MED12L: variants seen among roughly 807,000 people sequenced by gnomAD.
The protein encoded by MED12L is mediator complex subunit 12L, also known as mediator of RNA polymerase II transcription subunit 12-like protein.
A neutral mutation model predicts 281.3 loss-of-function variants in MED12L; 60 were observed. That is an observed-to-expected ratio of 0.21 (90% confidence interval 0.17 to 0.26). The LOEUF is 0.26. Among genes scored for constraint, MED12L ranks in the 10% least tolerant of loss-of-function variants. The probability of loss-of-function intolerance (pLI) is 1.00; values close to 1 mark genes in which losing one functional copy is unlikely to be tolerated. For synonymous variants in MED12L, 974 were observed against 987.2 expected (o/e 0.99, Z 0.25); for missense variants, 2,146 against 2,680.9 (o/e 0.80, Z 4.41).
At chr3:151,135,480 A>G (rs183931173) in intron 5 of MED12L, among the ~76,000 whole-genome samples, 1 of 152,334 alleles carries the variant, frequency 6.6e-6, no homozygotes, top group Admixed American at 6.5e-5. Flanking sequence ...TCCGTTGGGA[A>G]CTTTGCAGAC....
At chr3:151,210,630 G>A (rs745317922) in intron 16 of MED12L, among the ~76,000 whole-genome samples, 7 of 152,166 alleles carry the variant, frequency 4.6e-5, no homozygotes, top group East Asian at 1.9e-4. Context: ...GTTTTTAGTC[G>A]TCATGAGTGA....
chr3:151,315,183 A>C (rs548557777), intron 16 of MED12L, among the ~76,000 whole-genome samples: 1 of 152,266 alleles, frequency 6.6e-6, no homozygotes, highest in African/African-American at 2.4e-5. Flanking sequence ...CCTCTATCTT[A>C]ACTTTCCTTG....
At chr3:151,290,744 T>A (rs1429940541) in intron 16 of MED12L, among the ~76,000 whole-genome samples, 1 of 152,160 alleles carries the variant, frequency 6.6e-6, no homozygotes, top group Non-Finnish European at 1.5e-5. Context: ...CACATTTGTA[T>A]ACATTAGCAT....
intron 14 of MED12L, among the ~76,000 whole-genome samples, chr3:151,191,222 C>G (rs59669423): frequency 0.085 from 12,975 of 152,134 alleles, 1,270 homozygotes; most frequent in African/African-American, 0.23. Flanking sequence ...TGTTTCTAAT[C>G]TCTAGTTTTT....
chr3:151,087,693 G>A (rs779261276), intron 2 of MED12L, among the ~76,000 whole-genome samples: 1 of 152,128 alleles, frequency 6.6e-6, no homozygotes, highest in Non-Finnish European at 1.5e-5. Context: ...TCCCAGGATT[G>A]CTTATTTCTT....
chr3:151,411,220 A>G, intron 40 of MED12L, 58 bp from the exon 41 acceptor site: 2 of 1,471,304 alleles, frequency 1.4e-6, no homozygotes, highest in Non-Finnish European at 1.9e-6. Flanking sequence ...TATCGTAGTG[A>G]TGGGAAAGCT....
intron 37 of MED12L, among the ~76,000 whole-genome samples, chr3:151,389,513 A>G (rs1713902141): frequency 6.6e-6 from 1 of 152,200 alleles, no homozygotes; most frequent in African/African-American, 2.4e-5. Flanking sequence ...ACTTCTTTAG[A>G]ACGATGTCTG....
intron 16 of MED12L, among the ~76,000 whole-genome samples, chr3:151,228,957 A>G (rs1281368165): frequency 6.6e-6 from 1 of 152,214 alleles, no homozygotes; most frequent in East Asian, 1.9e-4. Context: ...TCAGGCAAGC[A>G]GTACTCAGAT....
At chr3:151,099,503 T>C (rs1483441959) in intron 2 of MED12L, among the ~76,000 whole-genome samples, 1 of 152,084 alleles carries the variant, frequency 6.6e-6, no homozygotes, top group Non-Finnish European at 1.5e-5. Context: ...GAAAAAAGAG[T>C]GGCATTATTT....
chr3:151,353,123 CA>C (rs1753444773), intron 17 of MED12L, among the ~76,000 whole-genome samples: 1 of 152,124 alleles, frequency 6.6e-6, no homozygotes, highest in Non-Finnish European at 1.5e-5. Flanking sequence ...TCCATTAACA[CA>C]AACAAATAAA....
Position 151,388,196 on chromosome 3 carries a change from C to T in MED12L, c.5451+24C>T, listed in dbSNP as rs533954803. ...ATGTAAGTGGGGAAAGGAAGGAGAA[C>T]CTTGGCTCATTAGCATTTAGTATGA... On this transcript the variant is annotated intron_variant, in intron 37 of 44. Coordinates refer to ENST00000687756, the MANE Select transcript of MED12L (RefSeq NM_001393769.1). 4.5e-6 allele frequency: 7 copies of T among 1,567,612 alleles called. No homozygotes were observed. The African/African-American group carries it at 8.2e-5, about 18-fold the overall frequency.
Position 151,297,509 on chromosome 3 carries a change from T to C in MED12L, c.2251-52550T>C, listed in dbSNP as rs112139596. On this transcript the variant is annotated intron_variant, in intron 16 of 44. Coordinates refer to ENST00000687756, the MANE Select transcript of MED12L (RefSeq NM_001393769.1). Reference sequence around the variant, plus strand: ...TGAAAAGGAGCAGCCATGTCATCTCTTGAGGTGCTGGCTGTGCCTTGTAAC... The same window carrying C: ...TGAAAAGGAGCAGCCATGTCATCTCCTGAGGTGCTGGCTGTGCCTTGTAAC... Among the ~76,000 whole-genome samples, 996 of 152,312 alleles carry C rather than the reference T, an allele frequency of 6.5e-3. 8 individuals carry two copies. The highest frequency in any genetic ancestry group is 0.015 in the South Asian group (72 of 4,828).
intron 16 of MED12L, among the ~76,000 whole-genome samples, chr3:151,300,999 C>G (rs1745840182): frequency 6.6e-6 from 1 of 152,106 alleles, no homozygotes; most frequent in Admixed American, 6.5e-5. Flanking sequence ...TGCTCTCCAC[C>G]CAGAATCCAC....
intron 16 of MED12L, among the ~76,000 whole-genome samples, chr3:151,273,358 G>C (rs1189053383): frequency 6.7e-6 from 1 of 149,300 alleles, no homozygotes; most frequent in Non-Finnish European, 1.5e-5. Flanking sequence ...CTCCTGAGTA[G>C]CTGGGATTAC....
chr3:151,097,821 CCGGGGTTGAGAAA>C (rs1720916251), intron 2 of MED12L, among the ~76,000 whole-genome samples: 1 of 152,130 alleles, frequency 6.6e-6, no homozygotes, highest in Non-Finnish European at 1.5e-5. Flanking sequence ...ATCAGTAGTT[CCGGGGTTGAGAAA>C]CTGTCGTCTA....
chr3:151,093,954 G>A (rs113040019), intron 2 of MED12L, among the ~76,000 whole-genome samples: 1,602 of 152,288 alleles, frequency 0.011, 41 homozygotes, highest in African/African-American at 0.037. Context: ...TGATCCTTTA[G>A]GAGGTTGGAG....
intron 5 of MED12L, among the ~76,000 whole-genome samples, chr3:151,143,496 G>A (rs1717334497): frequency 6.6e-6 from 1 of 152,242 alleles, no homozygotes; most frequent in East Asian, 1.9e-4. Flanking sequence ...AGCTGGGAGA[G>A]GAGGTGAGGG....
chr3:151,383,948 A>T, intron 34 of MED12L, 60 bp downstream of exon 34: 1 of 1,518,818 alleles, frequency 6.6e-7, no homozygotes, highest in Non-Finnish European at 9.0e-7. Flanking sequence ...AAGCTTTGAT[A>T]TACTGATGGC....
chr3:151,118,648 CTT>C (rs67417533), intron 3 of MED12L, among the ~76,000 whole-genome samples: 5,724 of 137,404 alleles, frequency 0.042, 343 homozygotes, highest in African/African-American at 0.15. Context: ...ATCTCCAGAA[CTT>C]TTTTTTTTTT....
Sources: allele counts gnomAD v4.1 joint callset (sites outside exome capture counted in the v4.1 genomes callset), GRCh38; gene constraint gnomAD v4.1.1; transcripts MANE v1.5; gene names NCBI Gene and HGNC (gene_info 2026-07-23, HGNC 2026-07-21).